Variants in CDC42BPA observed in about 807,000 individuals in gnomAD.
The protein encoded by CDC42BPA is CDC42 binding protein kinase alpha.
A neutral mutation model predicts 223.5 loss-of-function variants in CDC42BPA; 80 were observed. That is an observed-to-expected ratio of 0.36 (90% CI 0.30 to 0.43). The LOEUF (loss-of-function observed/expected upper bound fraction) is 0.43, where lower values mean the gene tolerates loss of function less well. CDC42BPA is among the 20% of genes least tolerant of loss of function. CDC42BPA has a pLI of 1.00. For missense variants in CDC42BPA, 1,743 were observed against 2,099.9 expected, an observed-to-expected ratio of 0.83 and a Z score of 3.32; for synonymous variants, 694 against 718.6, an observed-to-expected ratio of 0.97 and a Z score of 0.55.
At chr1:227,056,645 C>A (rs773664403) in intron 21 of CDC42BPA, among the ~76,000 whole-genome samples, 14 of 152,174 alleles carry the variant, frequency 9.2e-5, no homozygotes, top group Non-Finnish European at 1.9e-4. Context: ...CCCGCCTTGG[C>A]CTCCCAAAGT....
intron 25 of CDC42BPA, 118 bp from the exon 26 acceptor site, chr1:227,034,912 G>T: frequency 1.1e-6 from 1 of 875,180 alleles, no homozygotes; most frequent in Admixed American, 2.9e-5. Flanking sequence ...TTATAAGTCT[G>T]CCATTCTGGT....
chr1:227,187,554 TAATGGGAATACCAGAAGGA>T (rs1165745052), intron 5 of CDC42BPA, among the ~76,000 whole-genome samples: 1 of 148,954 alleles, frequency 6.7e-6, no homozygotes, highest in African/African-American at 2.5e-5. Context: ...AAGTTACATG[TAATGGGAATACCAGAAGGA>T]AATGGAATGA....
intron 15 of CDC42BPA, 116 bp downstream of exon 15, chr1:227,100,876 C>T: frequency 4.6e-6 from 3 of 646,382 alleles, no homozygotes; most frequent in South Asian, 2.6e-5. Context: ...TCTGCCAATC[C>T]TGACTTTGGT....
At position 227,051,990 on chromosome 1, in the gene CDC42BPA, G is replaced by C. The variant is rs1393552137; in HGVS notation, c.2905-5C>G. On this transcript the variant is annotated splice_polypyrimidine_tract_variant and splice_region_variant and intron_variant, in intron 21 of 36. Coordinates refer to ENST00000366766, the MANE Select transcript of CDC42BPA (RefSeq NM_001394014.1). The stretch of plus-strand genomic sequence containing the variant: ...TGTGTTCTCAACGGGATCAGTCTAG[G>C]AAAATAAGTCGGGAAAAATAAAAAC... The C allele has an allele frequency of 2.2e-6, 3 of 1,363,010 alleles. No homozygotes were observed. Among genetic ancestry groups the C allele is most frequent in the African/African-American group, 3.0e-5 (2 of 67,632 alleles). 84.4% of individuals were successfully genotyped at this position (1,363,010 alleles called of 1,614,324 possible).
At chr1:227,070,925 C>T (rs1444479235) in intron 20 of CDC42BPA, among the ~76,000 whole-genome samples, 1 of 151,844 alleles carries the variant, frequency 6.6e-6, no homozygotes, top group Non-Finnish European at 1.5e-5. Flanking sequence ...CTGCACTAGT[C>T]TCTCTCCTAT....
In CDC42BPA at chr1:227,190,279, C is replaced by G. The variant is rs1669490579; in HGVS notation, c.599+3507G>C. 2.0e-5 allele frequency among the ~76,000 whole-genome samples: 3 copies of G among 152,208 alleles called. No homozygotes were observed. The South Asian group carries it at 6.2e-4, about 32-fold the overall frequency. On this transcript the variant is annotated intron_variant, in intron 5 of 36. Coordinates refer to ENST00000366766, the MANE Select transcript of CDC42BPA (RefSeq NM_001394014.1). ...AAAGAACATAAATCTGGAGACAAGC[C>G]TGACTTAGATTTTAATCTAGGCTAT...
intron 1 of CDC42BPA, among the ~76,000 whole-genome samples, chr1:227,314,074 G>A (rs1693974614): frequency 6.6e-6 from 1 of 152,000 alleles, no homozygotes; most frequent in Non-Finnish European, 1.5e-5. Flanking sequence ...AAAGTAGGGG[G>A]TGGCCGATTT....
intron 16 of CDC42BPA, among the ~76,000 whole-genome samples, chr1:227,084,398 C>A (rs1400273268): frequency 6.6e-6 from 1 of 151,936 alleles, no homozygotes; most frequent in East Asian, 1.9e-4. Flanking sequence ...TGTGGTGGCA[C>A]ATGCCTTTAA....
At chr1:227,084,154 A>ATAGC (rs1681320476) in intron 16 of CDC42BPA, among the ~76,000 whole-genome samples, 1 of 152,324 alleles carries the variant, frequency 6.6e-6, no homozygotes, top group Admixed American at 6.5e-5. Flanking sequence ...ATCCAGCTTT[A>ATAGC]TAGCTCTTCT....
intron 2 of CDC42BPA, among the ~76,000 whole-genome samples, chr1:227,221,361 T>C (rs758508262): frequency 6.6e-6 from 1 of 152,184 alleles, no homozygotes; most frequent in Non-Finnish European, 1.5e-5. Flanking sequence ...TATACCCTTA[T>C]TTGTAGTTGC....
At chr1:227,176,307 C>T (rs540187790) in intron 5 of CDC42BPA, among the ~76,000 whole-genome samples, 94 of 152,068 alleles carry the variant, frequency 6.2e-4, no homozygotes, top group Admixed American at 1.8e-3. Context: ...ATGATCTCTT[C>T]CAGATTACAT....
chr1:227,051,315 ATC>A (rs1673480770), intron 22 of CDC42BPA, among the ~76,000 whole-genome samples: 1 of 152,208 alleles, frequency 6.6e-6, no homozygotes, highest in Non-Finnish European at 1.5e-5. Flanking sequence ...GGAAGAAATG[ATC>A]TCTGTTAAGA....
intron 10 of CDC42BPA, 83 bp downstream of exon 10, chr1:227,139,493 G>A (rs1659280329): frequency 2.2e-6 from 2 of 926,740 alleles, no homozygotes; most frequent in Non-Finnish European, 3.0e-6. Flanking sequence ...TTTTTTCAAA[G>A]ATAAAACAAC....
intron 1 of CDC42BPA, among the ~76,000 whole-genome samples, chr1:227,312,251 C>T (rs1300406947): frequency 6.6e-6 from 1 of 152,044 alleles, no homozygotes; most frequent in African/African-American, 2.4e-5. Context: ...AACATACTGT[C>T]AATAAATGTA....
intron 24 of CDC42BPA, 80 bp downstream of exon 24, chr1:227,040,051 A>C: frequency 2.2e-6 from 2 of 891,302 alleles, no homozygotes; most frequent in Non-Finnish European, 3.7e-6. Flanking sequence ...ACAAACATTT[A>C]TACACCTTTG....
intron 1 of CDC42BPA, among the ~76,000 whole-genome samples, chr1:227,299,159 A>T (rs2148716247): frequency 6.6e-6 from 1 of 152,350 alleles, no homozygotes; most frequent in South Asian, 2.1e-4. Flanking sequence ...TTTTGGAAAG[A>T]AAATGAAACT....
intron 6 of CDC42BPA, among the ~76,000 whole-genome samples, chr1:227,150,239 A>C (rs1406892781): frequency 6.8e-6 from 1 of 146,256 alleles, no homozygotes; most frequent in African/African-American, 2.5e-5. Flanking sequence ...AAAAAAAAAC[A>C]AAAAAAACAA....
At chr1:227,143,865 T>C (rs908749385) in intron 8 of CDC42BPA, among the ~76,000 whole-genome samples, 1 of 152,188 alleles carries the variant, frequency 6.6e-6, no homozygotes, top group African/African-American at 2.4e-5. Context: ...GGCAACTATA[T>C]AGAACATAAC....
At chr1:226,997,307 C>G (rs1206914318) in intron 35 of CDC42BPA, among the ~76,000 whole-genome samples, 2 of 152,084 alleles carry the variant, frequency 1.3e-5, no homozygotes, top group Non-Finnish European at 2.9e-5. Context: ...GTGATCTCCC[C>G]TTTATCATTT....
Sources: allele counts gnomAD v4.1 joint callset (sites outside exome capture counted in the v4.1 genomes callset), GRCh38; gene constraint gnomAD v4.1.1; transcripts MANE v1.5; gene names NCBI Gene and HGNC (gene_info 2026-07-23, HGNC 2026-07-21).